PLK3: variants seen among roughly 807,000 people sequenced by gnomAD.
PLK3 encodes the protein polo like kinase 3.
Under a neutral mutation model 71.6 loss-of-function variants are expected in PLK3, and 41 were observed. The ratio of observed to expected loss-of-function variants is 0.57; its 90% CI spans 0.45 to 0.74. The LOEUF is 0.74. PLK3 is among the 30% of genes least tolerant of loss of function. The pLI, the probability that PLK3 is intolerant of heterozygous loss-of-function variation, is 0.00. For missense variants in PLK3, 791 were observed against 875.6 expected (o/e 0.90, Z 1.22); for synonymous variants, 366 against 355.4 (o/e 1.03, Z -0.33).
At chr1:44,801,526 C>A in intron 3 of PLK3, 96 bp from the exon 4 acceptor site, 4 of 1,382,780 alleles carry the variant, frequency 2.9e-6, no homozygotes, top group Admixed American at 1.9e-5. Flanking sequence ...AGTCTTAAGA[C>A]CCAAAGCTGG....
In PLK3 at chr1:44,803,850, G is replaced by A. The variant is rs17884295; in HGVS notation, c.1165-81G>A. The A allele has an allele frequency of 2.3e-5, 28 of 1,199,968 alleles. No individual in the cohort carries two copies. The Admixed American group carries it at 5.2e-4, about 22-fold the overall frequency. The allele number at this position is 1,199,968 out of a possible 1,614,324, so 74.3% of individuals were successfully genotyped here. A position where few individuals can be genotyped will look rare whatever the true frequency, so the allele number is the denominator to read the frequency against. On this transcript the variant is annotated intron_variant, in intron 9 of 14. Transcript: ENST00000372201. The surrounding 1 kb of genome is among the most constrained non-coding windows in gnomAD (Gnocchi z 4.3). ...GGGGCTGACCTGGGGTGCCCTGGGAGCCAGGGCAGGGCCAGGCCATGGACT... is the reference window on the plus strand; with the variant it reads ...GGGGCTGACCTGGGGTGCCCTGGGAACCAGGGCAGGGCCAGGCCATGGACT...
chr1:44,804,673 G>A lies in PLK3; in HGVS notation c.1529G>A (p.Ser510Asn), dbSNP rs1401928270. The change falls in exon 13 of 15, where the codon AGC becomes AAC. Residue 510 changes from serine (S) to asparagine (N), a missense_variant. By Grantham distance (46) the Ser-to-Asn change is conservative. Coordinates refer to ENST00000372201, the MANE Select transcript of PLK3 (RefSeq NM_004073.4). ...NRKTVHYNPT[S>N]TKHFSFSVGA... ...AGGACTGTGCACTACAATCCCACCA[G>A]CACAAAGCACTTCTCCTTCTCCGTG... 2 of 1,614,062 alleles carry A rather than the reference G, an allele frequency of 1.2e-6. No homozygotes were observed. Among genetic ancestry groups the A allele is most frequent in the Non-Finnish European group, 1.7e-6 (2 of 1,179,960 alleles).
At position 44,803,815 on chromosome 1, in the gene PLK3, C is replaced by A. The variant is rs973345142; in HGVS notation, c.1165-116C>A. The A allele has an allele frequency of 8.0e-6, 9 of 1,121,250 alleles. No homozygotes were observed. In the African/African-American group the frequency reaches 1.1e-4, roughly 13 times the overall value. 69.5% of individuals were successfully genotyped at this position (1,121,250 alleles called of 1,614,324 possible). Reference sequence around the variant, plus strand: ...TGGTGGCCTAATTGGCTGTGTGTCACCAGCCTGGCGGGGCTGACCTGGGGT... The same window carrying A: ...TGGTGGCCTAATTGGCTGTGTGTCAACAGCCTGGCGGGGCTGACCTGGGGT... On this transcript the variant is annotated intron_variant, in intron 9 of 14. Transcript: ENST00000372201. The surrounding 1 kb of genome is among the most constrained non-coding windows in gnomAD (Gnocchi z 4.3).
rs774992582 is a variant in PLK3 at position 44,803,422 on chromosome 1, G to A, written c.1072+31G>A. On this transcript the variant is annotated intron_variant, in intron 8 of 14. Coordinates refer to ENST00000372201, the MANE Select transcript of PLK3 (RefSeq NM_004073.4). The surrounding 1 kb of genome is among the most constrained non-coding windows in gnomAD (Gnocchi z 4.3). Reference sequence around the variant, plus strand: ...TCTGGGGTGTCAGTGGGTTGAGGGGGCAGAGCAGTAGAGCGGCTTGTCACA... The same window carrying A: ...TCTGGGGTGTCAGTGGGTTGAGGGGACAGAGCAGTAGAGCGGCTTGTCACA... The A allele has an allele frequency of 1.1e-5, 17 of 1,613,468 alleles. No homozygotes were observed. In the Admixed American group the frequency reaches 1.7e-4, roughly 16 times the overall value.
chr1:44,804,349 C>A lies in PLK3; in HGVS notation c.1353C>A (p.Asn451Lys), dbSNP rs1326824939. Residue 451 changes from asparagine (N) to lysine (K), a missense_variant, in exon 12 of 15, where the codon AAC becomes AAA. Transcript: ENST00000372201. ...CIAFMPPAEQ[N>K]PAPLAQPEPL... ...CCTCTCCCATGACAGCGGAACAGAA[C>A]CCGGCCCCCCTGGCCCAGCCAGAGC... The A allele has an allele frequency of 6.2e-7, 1 of 1,613,976 alleles. No homozygotes were observed. The highest frequency in any genetic ancestry group is 2.2e-5 in the East Asian group (1 of 44,888).
chr1:44,804,823 T>C (rs1346098972), intron 13 of PLK3, 44 bp downstream of exon 13: 2 of 1,601,804 alleles, frequency 1.2e-6, no homozygotes, highest in Non-Finnish European at 1.7e-6. Flanking sequence ...TAACCCATCC[T>C]GGCCGGGTGC....
In PLK3 at chr1:44,800,544, G is replaced by A; in HGVS notation, c.81G>A (p.Gly27=). 3 of 1,485,620 alleles carry A rather than the reference G, an allele frequency of 2.0e-6. No individual in the cohort carries two copies. Among genetic ancestry groups the A allele is most frequent in the Non-Finnish European group, 2.7e-6 (3 of 1,126,128 alleles). The allele number at this position is 1,485,620 out of a possible 1,614,324, so 92.0% of individuals were successfully genotyped here. ...CGCCCGCTCCCCCGGCCGGGCCCGG[G>A]CCGCCTCCGAGTGCCTTGCGCGGAC... is the stretch of plus-strand genomic sequence containing the variant. The part of the protein sequence containing the change: ...AAAPAPPAGP[G]PPPSALRGPE... Residue 27 remains glycine, a synonymous_variant, in exon 1 of 15, where the codon GGG becomes GGA. Transcript: ENST00000372201. This position sits in a 1 kb window ranked among gnomAD's most constrained non-coding sequence, Gnocchi z 6.5.
In PLK3 at chr1:44,803,472, G is replaced by A; in HGVS notation, c.1072+81G>A. ...ATTTGTCTTGGGTGTGTGAGTGTGG[G>A]TGCCTGGAAACTCCTGGGGAGAGCA... On this transcript the variant is annotated intron_variant, in intron 8 of 14. Coordinates refer to ENST00000372201, the MANE Select transcript of PLK3 (RefSeq NM_004073.4). This position sits in a 1 kb window ranked among gnomAD's most constrained non-coding sequence, Gnocchi z 4.3. The A allele has an allele frequency of 1.2e-6, 2 of 1,601,054 alleles. No homozygotes were observed. Among genetic ancestry groups the A allele is most frequent in the Non-Finnish European group, 1.7e-6 (2 of 1,170,410 alleles).
chr1:44,801,792 AG>A, intron 4 of PLK3, 41 bp downstream of exon 4: 2 of 303,914 alleles, frequency 6.6e-6, no homozygotes, highest in Non-Finnish European at 6.7e-6. Flanking sequence ...TTGGGGAGGG[AG>A]GGAGGGAGGG....
chr1:44,801,958 T>G, intron 5 of PLK3, 26 bp downstream of exon 5: 1 of 1,546,404 alleles, frequency 6.5e-7, no homozygotes, highest in Non-Finnish European at 8.9e-7. Context: ...AGGGGCCCTG[T>G]GTGTGATACA....
Position 44,804,444 on chromosome 1 carries a change from G to A in PLK3, c.1448G>A (p.Arg483His), listed in dbSNP as rs779691195. The change falls in exon 12 of 15, where the codon CGC becomes CAC. Residue 483 changes from arginine to histidine, a missense_variant. Transcript: ENST00000372201. The stretch of plus-strand genomic sequence containing the variant: ...GGCTTTGGGTATCAACTGTCCAGCC[G>A]CCGTGTGGCTGTGCTCTTCAACGAT... ...KFGFGYQLSS[R>H]RVAVLFNDGT... 2.1e-5 allele frequency: 34 copies of A among 1,614,140 alleles called. No individual in the cohort carries two copies. The highest frequency in any genetic ancestry group is 4.5e-5 in the East Asian group (2 of 44,882).
At position 44,802,811 on chromosome 1, in the gene PLK3, G is replaced by C; in HGVS notation, c.705G>C (p.Gln235His). 6.2e-7 allele frequency: 1 copy of C among 1,614,026 alleles called. No individual in the cohort carries two copies. The highest frequency in any genetic ancestry group is 8.5e-7 in the Non-Finnish European group (1 of 1,179,936). ...NYVAPEVLLRQGHGPEADVWS... is the reference protein window; with the variant it reads ...NYVAPEVLLRHGHGPEADVWS... ...TGGCTCCAGAAGTGCTGCTGAGACA[G>C]GGCCACGGCCCTGAGGCGGATGTAT... The change falls in exon 6 of 15, where the codon CAG (glutamine) becomes CAC (histidine). Residue 235 changes from glutamine (Q) to histidine (H), a missense_variant. Coordinates refer to ENST00000372201, the MANE Select transcript of PLK3 (RefSeq NM_004073.4).
At chr1:44,801,556 G>A (rs1319909339) in intron 3 of PLK3, 66 bp from the exon 4 acceptor site, 2 of 1,563,204 alleles carry the variant, frequency 1.3e-6, no homozygotes, top group African/African-American at 2.7e-5. Context: ...TCTTCCTCAG[G>A]GAGCACAGAT....
chr1:44,805,761 C>G lies in PLK3; in HGVS notation c.*83C>G. 1 of 1,447,204 alleles carries G rather than the reference C, an allele frequency of 6.9e-7. No homozygotes were observed. The highest frequency in any genetic ancestry group is 9.4e-7 in the Non-Finnish European group (1 of 1,065,112). 89.6% of individuals were successfully genotyped at this position (1,447,204 alleles called of 1,614,324 possible). ...GGCCTTCCCCCTTCCTTTGGTGCCT[C>G]ACTGGGGGCTTTGGGCCGAATCCCC... On this transcript the variant is annotated 3_prime_UTR_variant, in exon 15 of 15. Coordinates refer to ENST00000372201, the MANE Select transcript of PLK3 (RefSeq NM_004073.4).
At position 44,803,657 on chromosome 1, in the gene PLK3, G is replaced by A. The variant is rs868040617; in HGVS notation, c.1130G>A (p.Arg377His). 5.0e-6 allele frequency: 8 copies of A among 1,613,680 alleles called. No homozygotes were observed. Among genetic ancestry groups the A allele is most frequent in the African/African-American group, 2.7e-5 (2 of 75,026 alleles). ...EVSGLVSGLM[R>H]TSVGHQDARP... ...TCCGGTTTGGTGAGCGGCCTCATGCGCACATCCGTTGGCCATCAGGATGCC... is the reference window on the plus strand; with the variant it reads ...TCCGGTTTGGTGAGCGGCCTCATGCACACATCCGTTGGCCATCAGGATGCC... Residue 377 changes from arginine to histidine, a missense_variant, in exon 9 of 15, where the codon CGC (arginine) becomes CAC (histidine). Arg to His is a conservative substitution (Grantham distance 29). Coordinates refer to ENST00000372201, the MANE Select transcript of PLK3 (RefSeq NM_004073.4). This position sits in a 1 kb window ranked among gnomAD's most constrained non-coding sequence, Gnocchi z 4.3.
intron 6 of PLK3, 30 bp downstream of exon 6, chr1:44,802,885 G>A: frequency 1.2e-6 from 2 of 1,609,010 alleles, no homozygotes; most frequent in Non-Finnish European, 1.7e-6. Context: ...TTCAGCAGCA[G>A]ACAGGTGGTG....
In PLK3 at chr1:44,804,001, G is replaced by A; in HGVS notation, c.1235G>A (p.Gly412Glu). 6.4e-7 allele frequency: 1 copy of A among 1,554,712 alleles called. No individual in the cohort carries two copies. The highest frequency in any genetic ancestry group is 2.4e-5 in the East Asian group (1 of 41,258). The part of the protein sequence containing the change: ...ETAPEDSSPR[G>E]TLASSGDGFE... Reference sequence around the variant, plus strand: ...GCACCTGAAGACAGCTCACCCCGTGGGACACTGGCAAGCAGTGGAGATGGT... The same window carrying A: ...GCACCTGAAGACAGCTCACCCCGTGAGACACTGGCAAGCAGTGGAGATGGT... The change falls in exon 10 of 15, where the codon GGG becomes GAG. Residue 412 changes from glycine to glutamate, a missense_variant. Transcript: ENST00000372201.
chr1:44,803,552 G>A lies in PLK3; in HGVS notation c.1073-48G>A, dbSNP rs1557623256. 4 of 1,583,880 alleles carry A rather than the reference G, an allele frequency of 2.5e-6. No individual in the cohort carries two copies. The highest frequency in any genetic ancestry group is 3.5e-6 in the Non-Finnish European group (4 of 1,153,802). Reference sequence around the variant, plus strand: ...TCTCTGTGTCATCCCTGTCGGAAGTGGAGGGGCTGGGCAGGATACTGAGGA... The same window carrying A: ...TCTCTGTGTCATCCCTGTCGGAAGTAGAGGGGCTGGGCAGGATACTGAGGA... On this transcript the variant is annotated intron_variant, in intron 8 of 14. Transcript: ENST00000372201. This position sits in a 1 kb window ranked among gnomAD's most constrained non-coding sequence, Gnocchi z 4.3.
In PLK3 at chr1:44,803,459, T is replaced by A; in HGVS notation, c.1072+68T>A. On this transcript the variant is annotated intron_variant, in intron 8 of 14. Coordinates refer to ENST00000372201, the MANE Select transcript of PLK3 (RefSeq NM_004073.4). This position sits in a 1 kb window ranked among gnomAD's most constrained non-coding sequence, Gnocchi z 4.3. ...AGCGGCTTGTCACATTTGTCTTGGG[T>A]GTGTGAGTGTGGGTGCCTGGAAACT... 6.2e-7 allele frequency: 1 copy of A among 1,603,844 alleles called. No individual in the cohort carries two copies. Among genetic ancestry groups the A allele is most frequent in the Middle Eastern group, 1.7e-4 (1 of 5,996 alleles).
Sources: allele counts gnomAD v4.1 joint callset, GRCh38; gene constraint gnomAD v4.1.1; non-coding constraint Gnocchi (gnomAD v3.1); transcripts MANE v1.5; gene names NCBI Gene and HGNC (gene_info 2026-07-23, HGNC 2026-07-21).